The following DNAJB14 variants were observed in gnomAD, a reference collection of about 807,000 sequenced individuals.
DNAJB14 encodes the protein DnaJ heat shock protein family (Hsp40) member B14.
A neutral mutation model predicts 48.4 loss-of-function variants in DNAJB14; 22 were observed. The ratio of observed to expected loss-of-function variants is 0.45; its 90% CI spans 0.32 to 0.65. The LOEUF (loss-of-function observed/expected upper bound fraction) is 0.65. Ranked by LOEUF, DNAJB14 falls within the 30% of genes least tolerant of loss-of-function variation. DNAJB14 has a pLI of 0.03. For synonymous variants in DNAJB14, 142 were observed against 158.7 expected (o/e 0.89, Z 0.79); for missense variants, 319 against 458.8 (o/e 0.70, Z 2.78).
chr4:99,911,995 T>C (rs979082319), intron 3 of DNAJB14, among the ~76,000 whole-genome samples: 1 of 152,218 alleles, frequency 6.6e-6, no homozygotes, highest in African/African-American at 2.4e-5. Flanking sequence ...CCCATTATTG[T>C]TGATTGTTAT....
At chr4:99,939,001 TA>T (rs562037835) in intron 1 of DNAJB14, among the ~76,000 whole-genome samples, 29 of 144,624 alleles carry the variant, frequency 2.0e-4, no homozygotes, top group Middle Eastern at 3.5e-3. Context: ...TTTCGGCCAA[TA>T]AAAAAAAAAA....
At chr4:99,923,708 T>C in intron 2 of DNAJB14, 1 of 980,696 alleles carries the variant, frequency 1.0e-6, no homozygotes, top group Non-Finnish European at 1.2e-6. Context: ...CAATATTTAT[T>C]TATTTTTGAT....
rs1725472431 is a variant in DNAJB14 at position 99,906,499 on chromosome 4, T to C, written c.732+18A>G. On this transcript the variant is annotated intron_variant, in intron 5 of 7. Coordinates refer to ENST00000442697, the MANE Select transcript of DNAJB14 (RefSeq NM_001031723.4). ...GAGCTGAAATTTGCCATTTTGTGAT[T>C]TCTAGTCATAAACGTACATCTCCTC... 2 of 1,607,378 alleles carry C rather than the reference T, an allele frequency of 1.2e-6. No individual in the cohort carries two copies. Among genetic ancestry groups the C allele is most frequent in the African/African-American group, 2.7e-5 (2 of 74,676 alleles).
At chr4:99,904,017 G>A in intron 6 of DNAJB14, 119 bp from the exon 7 acceptor site, 1 of 1,047,990 alleles carries the variant, frequency 9.5e-7, no homozygotes, top group Non-Finnish European at 1.4e-6. Context: ...AATACAGGTT[G>A]AGCATCCCTA....
rs1726664788 is a variant in DNAJB14, at chr4:99,936,089, G to A, written c.134-5468C>T. Among the ~76,000 whole-genome samples, 4 of 151,598 alleles carry A rather than the reference G, an allele frequency of 2.6e-5. No homozygotes were observed. The South Asian group carries it at 8.3e-4, about 32-fold the overall frequency. ...AAAATAAAATAAATTTAAAAATAGA[G>A]ACAGTCACAACCAAAAACATGGCTG... On this transcript the variant is annotated intron_variant, in intron 1 of 7. Coordinates refer to ENST00000442697, the MANE Select transcript of DNAJB14 (RefSeq NM_001031723.4).
intron 3 of DNAJB14, among the ~76,000 whole-genome samples, chr4:99,913,003 AG>A (rs1377668458): frequency 2.0e-5 from 3 of 152,216 alleles, no homozygotes; most frequent in Admixed American, 2.0e-4. Context: ...GCTAGTAAAT[AG>A]AAATGCAATT....
intron 2 of DNAJB14, chr4:99,927,899 G>C (rs950798329): frequency 2.6e-5 from 4 of 152,118 alleles, no homozygotes; most frequent in Non-Finnish European, 5.9e-5. Context: ...CTGGTGATCT[G>C]TACCCTCACT....
intron 1 of DNAJB14, among the ~76,000 whole-genome samples, chr4:99,939,115 AC>A (rs1232480426): frequency 6.6e-6 from 1 of 152,236 alleles, no homozygotes; most frequent in African/African-American, 2.4e-5. Context: ...TAATCCCAGC[AC>A]TTTGGGAGGT....
In DNAJB14 at chr4:99,898,574, T is replaced by TG. The variant is rs1241312759; in HGVS notation, c.*2453dup. 6.6e-6 allele frequency: 1 copy of TG among 151,948 alleles called. No individual in the cohort carries two copies. The highest frequency in any genetic ancestry group is 1.5e-5 in the Non-Finnish European group (1 of 67,848). The allele number at this position is 151,948 out of a possible 1,614,324, so 9.4% of individuals were successfully genotyped here. ...AAGGACAATAATGTTTGTGTGTATA[T>TG]GCATGGGTGTATTTGTGTTTACACA... On this transcript the variant is annotated 3_prime_UTR_variant, in exon 8 of 8. Transcript: ENST00000442697.
At chr4:99,905,994 A>T (rs1290256297) in intron 5 of DNAJB14, 1 of 1,292,392 alleles carries the variant, frequency 7.7e-7, no homozygotes, top group African/African-American at 1.5e-5. Flanking sequence ...CCCCACACAC[A>T]GAGACGCTAT....
intron 7 of DNAJB14, among the ~76,000 whole-genome samples, chr4:99,902,074 C>G (rs1336645934): frequency 1.3e-5 from 2 of 152,104 alleles, no homozygotes; most frequent in African/African-American, 2.4e-5. Context: ...ACATAATGCG[C>G]TTATATCTAT....
chr4:99,940,369 G>A (rs2110225026), intron 1 of DNAJB14, among the ~76,000 whole-genome samples: 1 of 152,240 alleles, frequency 6.6e-6, no homozygotes, highest in African/African-American at 2.4e-5. Flanking sequence ...GAGGCAGGTG[G>A]ATCACTTGAG....
chr4:99,934,274 AT>A (rs1726586925), intron 1 of DNAJB14, among the ~76,000 whole-genome samples: 1 of 152,212 alleles, frequency 6.6e-6, no homozygotes, highest in Non-Finnish European at 1.5e-5. Context: ...ATCTCTACGT[AT>A]TTACCAGCAC....
rs1726438541 is a variant in DNAJB14 at position 99,930,740 on chromosome 4, G to A, written c.134-119C>T. ...GTGTTCTCCAAAAAGATTCACCATA[G>A]GATCTTTTTAATTAGCACGCATTCC... On this transcript the variant is annotated intron_variant, in intron 1 of 7. Transcript: ENST00000442697. 8.0e-6 allele frequency: 9 copies of A among 1,126,042 alleles called. No homozygotes were observed. In the South Asian group the frequency reaches 1.1e-4, roughly 14 times the overall value. The allele number at this position is 1,126,042 out of a possible 1,614,324, so 69.8% of individuals were successfully genotyped here.
chr4:99,917,710 CT>C (rs1725905829), intron 3 of DNAJB14, among the ~76,000 whole-genome samples: 1 of 152,144 alleles, frequency 6.6e-6, no homozygotes, highest in Non-Finnish European at 1.5e-5. Context: ...TGAAAAATGT[CT>C]TGATTTCCCC....
intron 1 of DNAJB14, among the ~76,000 whole-genome samples, chr4:99,933,864 G>A (rs1578234838): frequency 6.6e-6 from 1 of 152,230 alleles, no homozygotes; most frequent in South Asian, 2.1e-4. Context: ...GTATAATACA[G>A]GGGCATTTGC....
chr4:99,945,541 T>G (rs1028084125), intron 1 of DNAJB14, among the ~76,000 whole-genome samples: 1 of 152,226 alleles, frequency 6.6e-6, no homozygotes, highest in Non-Finnish European at 1.5e-5. Context: ...TGTGTGACCT[T>G]GGGTAAGATA....
At chr4:99,940,305 A>G (rs985420769) in intron 1 of DNAJB14, among the ~76,000 whole-genome samples, 1 of 152,202 alleles carries the variant, frequency 6.6e-6, no homozygotes, top group East Asian at 1.9e-4. Flanking sequence ...ATTAAAAAAC[A>G]TAACAGGCCA....
chr4:99,930,307 A>C lies in DNAJB14; in HGVS notation c.305+143T>G, dbSNP rs945227877. On this transcript the variant is annotated intron_variant, in intron 2 of 7. Coordinates refer to ENST00000442697, the MANE Select transcript of DNAJB14 (RefSeq NM_001031723.4). The stretch of plus-strand genomic sequence containing the variant: ...ACTTTACAGACCAGTTTTATAAAGA[A>C]TATGAAGCATAAGACACACCCAGAG... The C allele has an allele frequency of 2.3e-5, 17 of 725,462 alleles. No individual in the cohort carries two copies. The Middle Eastern group carries it at 1.1e-3, about 48-fold the overall frequency. The allele number at this position is 725,462 out of a possible 1,614,324, so 44.9% of individuals were successfully genotyped here. A position where few individuals can be genotyped will look rare whatever the true frequency, so the allele number is the denominator to read the frequency against.
Sources: allele counts gnomAD v4.1 joint callset (sites outside exome capture counted in the v4.1 genomes callset), GRCh38; gene constraint gnomAD v4.1.1; transcripts MANE v1.5; gene names NCBI Gene and HGNC (gene_info 2026-07-23, HGNC 2026-07-21).